Variants in ACTN2 observed in about 807,000 individuals in gnomAD.
The protein encoded by ACTN2 is alpha-actinin-2.
ACTN2 carries 39 observed loss-of-function variants against 113.8 expected under a neutral mutation model. That is an observed-to-expected ratio of 0.34 (90% CI 0.27 to 0.45). The LOEUF (loss-of-function observed/expected upper bound fraction) is 0.45, where lower values mean the gene tolerates loss of function less well. Among genes scored for constraint, ACTN2 ranks in the 20% least tolerant of loss-of-function variants. The pLI, the probability that ACTN2 is intolerant of heterozygous loss-of-function variation, is 1.00. For synonymous variants in ACTN2, 429 were observed against 444.1 expected, an observed-to-expected ratio of 0.97 and a Z score of 0.43; for missense variants, 992 against 1,177.9, an observed-to-expected ratio of 0.84 and a Z score of 2.31.
chr1:236,707,469 G>T (rs965146635), intron 1 of ACTN2, among the ~76,000 whole-genome samples: 2 of 152,070 alleles, frequency 1.3e-5, no homozygotes, highest in African/African-American at 4.8e-5. Context: ...GAGCAATCTC[G>T]CCCTACCTGA....
chr1:236,695,563 T>TTCC (rs1553296741), intron 1 of ACTN2, among the ~76,000 whole-genome samples: 15 of 100,780 alleles, frequency 1.5e-4, no homozygotes, highest in South Asian at 3.8e-4. Flanking sequence ...TGAAATGAGT[T>TTCC]CCCCCCCCCT....
chr1:236,736,682 T>C, intron 8 of ACTN2: 1 of 1,472,654 alleles, frequency 6.8e-7, no homozygotes. Context: ...TATCTGGATT[T>C]TCCTGCCCCA....
chr1:236,689,688 A>G (rs1666011512), intron 1 of ACTN2, among the ~76,000 whole-genome samples: 1 of 152,194 alleles, frequency 6.6e-6, no homozygotes, highest in Non-Finnish European at 1.5e-5. Context: ...AAATGCTGAG[A>G]CACACTCTTG....
intron 6 of ACTN2, among the ~76,000 whole-genome samples, chr1:236,730,641 A>G (rs1050551972): frequency 2.6e-5 from 4 of 152,176 alleles, no homozygotes; most frequent in Admixed American, 2.6e-4. Flanking sequence ...ATATTTAACT[A>G]GTTTTTACGG....
intron 7 of ACTN2, among the ~76,000 whole-genome samples, chr1:236,733,719 T>C (rs970658919): frequency 6.6e-6 from 1 of 152,206 alleles, no homozygotes; most frequent in African/African-American, 2.4e-5. Flanking sequence ...TTAAAATTTC[T>C]GCTGCTCTTT....
intron 3 of ACTN2, among the ~76,000 whole-genome samples, chr1:236,719,798 CA>C (rs202216207): frequency 1.4e-3 from 127 of 93,114 alleles, no homozygotes; most frequent in African/African-American, 1.3e-3. Context: ...GACTCCATCT[CA>C]AAAAAAAAAA....
chr1:236,738,041 G>T (rs1319755991), intron 9 of ACTN2, among the ~76,000 whole-genome samples: 1 of 152,106 alleles, frequency 6.6e-6, no homozygotes, highest in African/African-American at 2.4e-5. Context: ...ACAGAGTCTT[G>T]CTCTCTGGCC....
intron 7 of ACTN2, chr1:236,734,570 A>AT (rs967306763): frequency 1.7e-5 from 23 of 1,349,242 alleles, no homozygotes; most frequent in Middle Eastern, 1.8e-4. Context: ...CTGTGTCTTA[A>AT]TTTTTTTTCA....
Position 236,686,739 on chromosome 1 carries a change from G to A in ACTN2, c.66G>A (p.Gln22=), listed in dbSNP as rs761544833. The A allele has an allele frequency of 7.7e-6, 12 of 1,557,616 alleles. No homozygotes were observed. The highest frequency in any genetic ancestry group is 3.5e-5 in the South Asian group (3 of 85,560). ...YVYDEDEYMI[Q]EEEWDRDLLL... ...ACGACGAGGATGAGTACATGATCCAGGAGGAGGAGTGGGACCGCGACCTGC... is the reference window on the plus strand; with the variant it reads ...ACGACGAGGATGAGTACATGATCCAAGAGGAGGAGTGGGACCGCGACCTGC... The change falls in exon 1 of 21, where the codon CAG becomes CAA. Residue 22 remains glutamine (Q), a synonymous_variant. Transcript: ENST00000366578.
chr1:236,737,014 CT>C (rs1658898189), intron 8 of ACTN2, 107 bp from the exon 9 acceptor site: 2 of 871,534 alleles, frequency 2.3e-6, no homozygotes, highest in Admixed American at 4.0e-5. Context: ...TCTGCACCGT[CT>C]ACAGCACGCC....
At chr1:236,721,015 G>GGGTTTTTTTTTTTTTTTTTTT in intron 4 of ACTN2, among the ~76,000 whole-genome samples, 6 of 49,138 alleles carry the variant, frequency 1.2e-4, no homozygotes, top group Admixed American at 3.4e-4. Flanking sequence ...TCTGGTTTTT[G>GGGTTTTTTTTTTTTTTTTTTT]TTTTTTGTTT....
At chr1:236,742,168 G>A (rs1405752237) in intron 10 of ACTN2, among the ~76,000 whole-genome samples, 1 of 152,192 alleles carries the variant, frequency 6.6e-6, no homozygotes, top group African/African-American at 2.4e-5. Flanking sequence ...AGGGCTGGCA[G>A]TATCCCTTGA....
chr1:236,691,790 G>A (rs989447187), intron 1 of ACTN2, among the ~76,000 whole-genome samples: 14 of 152,208 alleles, frequency 9.2e-5, no homozygotes, highest in African/African-American at 3.4e-4. Flanking sequence ...TAACCAAGGT[G>A]GCTAGACCAG....
In ACTN2 at chr1:236,752,190, C is replaced by A. The variant is rs1659415709; in HGVS notation, c.1839+538C>A. ...AATGGGATAATTTGAGCCCTTTTGT[C>A]TGATTTTTAAGATTGGGACATTTCT... On this transcript the variant is annotated intron_variant, in intron 15 of 20. Coordinates refer to ENST00000366578, the MANE Select transcript of ACTN2 (RefSeq NM_001103.4). Among the ~76,000 whole-genome samples, 3 of 152,070 alleles carry A rather than the reference C, an allele frequency of 2.0e-5. No individual in the cohort carries two copies. In the South Asian group the frequency reaches 6.2e-4, roughly 32 times the overall value.
intron 1 of ACTN2, among the ~76,000 whole-genome samples, chr1:236,694,616 C>CTTCT (rs1657418557): frequency 6.6e-6 from 1 of 152,198 alleles, no homozygotes; most frequent in East Asian, 1.9e-4. Flanking sequence ...TTCATTTTAA[C>CTTCT]AATTAACATC....
At chr1:236,695,375 CAAA>C (rs34546199) in intron 1 of ACTN2, among the ~76,000 whole-genome samples, 1 of 41,218 alleles carries the variant, frequency 2.4e-5, no homozygotes. Context: ...GAGACTGTCT[CAAA>C]AAAAAAAAAA....
chr1:236,702,926 GA>G (rs1657719225), intron 1 of ACTN2, among the ~76,000 whole-genome samples: 1 of 152,178 alleles, frequency 6.6e-6, no homozygotes, highest in African/African-American at 2.4e-5. Context: ...TTGGGTCCCT[GA>G]AAATAGTAGC....
At chr1:236,739,566 C>T (rs751924906) in intron 10 of ACTN2, 34 bp downstream of exon 10, 51 of 1,606,100 alleles carry the variant, frequency 3.2e-5, no homozygotes, top group African/African-American at 2.3e-4. Flanking sequence ...CCTGGCGCCA[C>T]GGGAAGCCCT....
intron 4 of ACTN2, among the ~76,000 whole-genome samples, chr1:236,724,672 G>T (rs1013209667): frequency 6.6e-6 from 1 of 152,210 alleles, no homozygotes; most frequent in African/African-American, 2.4e-5. Flanking sequence ...CCAGTCTTTG[G>T]CTGGAGCAGC....
Sources: allele counts gnomAD v4.1 joint callset (sites outside exome capture counted in the v4.1 genomes callset), GRCh38; gene constraint gnomAD v4.1.1; transcripts MANE v1.5; gene names NCBI Gene and HGNC (gene_info 2026-07-23, HGNC 2026-07-21).